Variants in SSU72 observed in about 807,000 individuals in gnomAD.
SSU72 encodes SSU72 homolog, RNA polymerase II CTD phosphatase.
Under a neutral mutation model 22.7 loss-of-function variants are expected in SSU72, and 12 were observed. That is an observed-to-expected ratio of 0.53 (90% CI 0.34 to 0.86). The LOEUF (loss-of-function observed/expected upper bound fraction) is 0.86. Among genes scored for constraint, SSU72 ranks in the 40% least tolerant of loss-of-function variants. SSU72 has a pLI of 0.02. For synonymous variants in SSU72, 116 were observed against 98.3 expected (o/e 1.18, Z -1.06); for missense variants, 151 against 249.8 (o/e 0.60, Z 2.67).
chr1:1,547,451 A>T (rs1290841984), intron 2 of SSU72, among the ~76,000 whole-genome samples: 1 of 152,272 alleles, frequency 6.6e-6, no homozygotes, highest in African/African-American at 2.4e-5. Flanking sequence ...AGGATGAGCG[A>T]GCAGCCACCC....
At chr1:1,547,826 C>CG (rs1642410339) in intron 2 of SSU72, among the ~76,000 whole-genome samples, 2 of 152,182 alleles carry the variant, frequency 1.3e-5, no homozygotes. Flanking sequence ...TACTGCCGGG[C>CG]GGGAGGAAGG....
Position 1,574,661 on chromosome 1 carries a change from GC to G in SSU72, c.-105del. On this transcript the variant is annotated 5_prime_UTR_variant, in exon 1 of 5. Transcript: ENST00000291386. ...GCCGCGGTGGCCGGAAGCGGGCGAC[GC>G]GAAACGACGGCGCCGGCGGTGTAGC... 2 of 1,189,214 alleles carry G rather than the reference GC, an allele frequency of 1.7e-6. No homozygotes were observed. Among genetic ancestry groups the G allele is most frequent in the Middle Eastern group, 2.8e-4 (1 of 3,620 alleles). 73.7% of individuals were successfully genotyped at this position (1,189,214 alleles called of 1,614,324 possible).
At position 1,556,926 on chromosome 1, in the gene SSU72, C is replaced by T. The variant is rs555846001; in HGVS notation, c.224+7847G>A. On this transcript the variant is annotated intron_variant, in intron 2 of 4. Transcript: ENST00000291386. Reference sequence around the variant, plus strand: ...ACTACCTCAGCCAGTCAGCTCCGTTCTACCTCTGTCATCTCAGATGAGAAG... The same window carrying T: ...ACTACCTCAGCCAGTCAGCTCCGTTTTACCTCTGTCATCTCAGATGAGAAG... 8.5e-5 allele frequency among the ~76,000 whole-genome samples: 13 copies of T among 152,352 alleles called. No individual in the cohort carries two copies. The South Asian group carries it at 1.2e-3, about 15-fold the overall frequency.
rs1245959985 is a variant in SSU72 at position 1,554,490 on chromosome 1, A to T, written c.225-9488T>A. 6.6e-6 allele frequency among the ~76,000 whole-genome samples: 1 copy of T among 152,214 alleles called. No homozygotes were observed. The highest frequency in any genetic ancestry group is 1.9e-4 in the East Asian group (1 of 5,188). ...GGGCCCCAAGGTGCCAGGACATACCAGGAAACGCCCCAAACACAGCTCGGT... is the reference window on the plus strand; with the variant it reads ...GGGCCCCAAGGTGCCAGGACATACCTGGAAACGCCCCAAACACAGCTCGGT... On this transcript the variant is annotated intron_variant, in intron 2 of 4. Coordinates refer to ENST00000291386, the MANE Select transcript of SSU72 (RefSeq NM_014188.3). This position sits in a 1 kb window ranked among gnomAD's most constrained non-coding sequence, Gnocchi z 4.1.
intron 3 of SSU72, among the ~76,000 whole-genome samples, chr1:1,544,392 C>T (rs560243476): frequency 1.6e-3 from 246 of 152,030 alleles, no homozygotes; most frequent in Non-Finnish European, 2.8e-3. Context: ...CTGAGGCGGG[C>T]GGATCACTTG....
At chr1:1,565,986 G>A (rs2100720173) in intron 1 of SSU72, among the ~76,000 whole-genome samples, 1 of 152,284 alleles carries the variant, frequency 6.6e-6, no homozygotes, top group Non-Finnish European at 1.5e-5. Context: ...ACCGAGTGCG[G>A]TGGCTCACAC....
Position 1,541,841 on chromosome 1 carries a change from G to T in SSU72, c.*225C>A. On this transcript the variant is annotated 3_prime_UTR_variant, in exon 5 of 5. Transcript: ENST00000291386. ...TTGTCTTTCCTTTTTGGTTAAAGAAGAAAAACTTTGTAATCAATATCCTGC... is the reference window on the plus strand; with the variant it reads ...TTGTCTTTCCTTTTTGGTTAAAGAATAAAAACTTTGTAATCAATATCCTGC... 1.9e-6 allele frequency: 1 copy of T among 537,232 alleles called. No homozygotes were observed. Among genetic ancestry groups the T allele is most frequent in the Non-Finnish European group, 3.3e-6 (1 of 298,626 alleles). The allele number at this position is 537,232 out of a possible 1,614,324, so 33.3% of individuals were successfully genotyped here.
rs189770125 is a variant in SSU72 at position 1,559,970 on chromosome 1, C to T, written c.224+4803G>A. Among the ~76,000 whole-genome samples the T allele has an allele frequency of 1.2e-3, 176 of 152,264 alleles. 1 individual carries two copies. Among genetic ancestry groups the T allele is most frequent in the African/African-American group, 3.8e-3 (158 of 41,534 alleles). On this transcript the variant is annotated intron_variant, in intron 2 of 4. Transcript: ENST00000291386. ...AAACTCTCGACCTTGGGTGATCCGC[C>T]CACCTCGGCCTCCCAAAGTGCTGGG...
intron 2 of SSU72, chr1:1,546,183 A>G (rs1285112100): frequency 2.0e-5 from 3 of 152,264 alleles, no homozygotes; most frequent in Non-Finnish European, 4.4e-5. Context: ...GTCAGGGACA[A>G]GTAACCACTT....
chr1:1,570,639 T>C (rs1235327386), intron 1 of SSU72, among the ~76,000 whole-genome samples: 1 of 152,158 alleles, frequency 6.6e-6, no homozygotes, highest in African/African-American at 2.4e-5. Flanking sequence ...ATTATTTGTA[T>C]GAATAATGAA....
chr1:1,552,748 C>T (rs982611142), intron 2 of SSU72, among the ~76,000 whole-genome samples: 14 of 152,164 alleles, frequency 9.2e-5, no homozygotes, highest in Admixed American at 2.6e-4. Flanking sequence ...TGGCCGGGCG[C>T]GGTGCCTCAC....
At chr1:1,555,826 C>G (rs1642514125) in intron 2 of SSU72, among the ~76,000 whole-genome samples, 1 of 151,918 alleles carries the variant, frequency 6.6e-6, no homozygotes, top group African/African-American at 2.4e-5. Flanking sequence ...GGCGAAACCT[C>G]ATTTCTACTA....
chr1:1,570,904 G>A (rs1357964039), intron 1 of SSU72, among the ~76,000 whole-genome samples: 3 of 151,810 alleles, frequency 2.0e-5, no homozygotes, highest in Non-Finnish European at 2.9e-5. Context: ...GAGGTCAGGA[G>A]ATCGAGACCA....
At chr1:1,543,020 T>C (rs1182458936) in intron 4 of SSU72, among the ~76,000 whole-genome samples, 1 of 152,260 alleles carries the variant, frequency 6.6e-6, no homozygotes, top group Non-Finnish European at 1.5e-5. Context: ...CTGTTCTGTT[T>C]TTCTGTCTTT....
At chr1:1,558,851 C>T (rs1326722581) in intron 2 of SSU72, among the ~76,000 whole-genome samples, 1 of 152,214 alleles carries the variant, frequency 6.6e-6, no homozygotes, top group Non-Finnish European at 1.5e-5. Context: ...AGTGACACTT[C>T]ACTAGGTCAG....
chr1:1,544,600 G>A, intron 3 of SSU72: 1 of 512,684 alleles, frequency 2.0e-6, no homozygotes, highest in East Asian at 3.6e-5. Context: ...CCTGGCGACA[G>A]AGCACGACTC....
At chr1:1,548,843 A>G (rs976286252) in intron 2 of SSU72, among the ~76,000 whole-genome samples, 2 of 152,178 alleles carry the variant, frequency 1.3e-5, no homozygotes, top group African/African-American at 4.8e-5. Flanking sequence ...CAATCCCGAG[A>G]GGCCACCGGC....
At chr1:1,543,742 C>T (rs1642355008) in intron 4 of SSU72, 127 bp downstream of exon 4, 2 of 603,618 alleles carry the variant, frequency 3.3e-6, no homozygotes, top group Non-Finnish European at 5.4e-6. Flanking sequence ...CGGCCTCGGC[C>T]ACTCCCCTCT....
At chr1:1,546,909 G>C (rs1331657718) in intron 2 of SSU72, among the ~76,000 whole-genome samples, 1 of 148,412 alleles carries the variant, frequency 6.7e-6, no homozygotes, top group Non-Finnish European at 1.5e-5. Flanking sequence ...GCTCACACCT[G>C]TAATCCCAGC....
Sources: allele counts gnomAD v4.1 joint callset (sites outside exome capture counted in the v4.1 genomes callset), GRCh38; gene constraint gnomAD v4.1.1; non-coding constraint Gnocchi (gnomAD v3.1); transcripts MANE v1.5; gene names NCBI Gene and HGNC (gene_info 2026-07-23, HGNC 2026-07-21).